CBFA2T3: variants seen among roughly 807,000 people sequenced by gnomAD.
CBFA2T3 encodes transcriptional corepressor CBFA2T3.
In CBFA2T3, 31 loss-of-function variants were observed where a neutral mutation model predicts 58.6. The observed-to-expected ratio is 0.53, with a 90% CI of 0.40 to 0.71. The LOEUF is 0.71. Among genes scored for constraint, CBFA2T3 ranks in the 30% least tolerant of loss-of-function variants. The pLI is 0.00. For missense variants in CBFA2T3, 1,076 were observed against 963.1 expected, an observed-to-expected ratio of 1.12 and a Z score of -1.55; for synonymous variants, 531 against 421.9, an observed-to-expected ratio of 1.26 and a Z score of -3.17.
At chr16:88,949,232 A>T (rs982913391) in intron 1 of CBFA2T3, among the ~76,000 whole-genome samples, 10 of 152,230 alleles carry the variant, frequency 6.6e-5, no homozygotes, top group Non-Finnish European at 2.9e-5. Context: ...AGCAACTTCC[A>T]TGTCCTGAAA....
intron 1 of CBFA2T3, among the ~76,000 whole-genome samples, chr16:88,960,817 TA>T (rs542857030): frequency 8.5e-4 from 129 of 152,344 alleles, no homozygotes; most frequent in African/African-American, 2.8e-3. Context: ...GCAGCTGACA[TA>T]ATCCTATTGG....
Position 88,954,371 on chromosome 16 carries a change from C to G in CBFA2T3, c.151+22286G>C, listed in dbSNP as rs1420819047. On this transcript the variant is annotated intron_variant, in intron 1 of 11. Coordinates refer to ENST00000268679, the MANE Select transcript of CBFA2T3 (RefSeq NM_005187.6). The stretch of plus-strand genomic sequence containing the variant: ...AAGGCTCCTGACCTCACCCAAGGCT[C>G]CTGACCCCACCCAAGACTCCTGACC... 3.3e-3 allele frequency among the ~76,000 whole-genome samples: 467 copies of G among 139,638 alleles called. 5 individuals are homozygous for G. The highest frequency in any genetic ancestry group is 0.013 in the African/African-American group (421 of 32,636). 91.6% of individuals were successfully genotyped at this position (139,638 alleles called of 152,430 possible). A position where few individuals can be genotyped will look rare whatever the true frequency, so the allele number is the denominator to read the frequency against.
At position 88,953,376 on chromosome 16, in the gene CBFA2T3, A is replaced by G. The variant is rs1287080683; in HGVS notation, c.151+23281T>C. Among the ~76,000 whole-genome samples the G allele has an allele frequency of 6.6e-6, 1 of 151,728 alleles. No individual in the cohort carries two copies. The highest frequency in any genetic ancestry group is 1.5e-5 in the Non-Finnish European group (1 of 67,998). Reference sequence around the variant, plus strand: ...GTGGGGAGAGCCAGCCAGGCTCCCCATGTCCACCCAGATGGTGAGCTGGCC... The same window carrying G: ...GTGGGGAGAGCCAGCCAGGCTCCCCGTGTCCACCCAGATGGTGAGCTGGCC... On this transcript the variant is annotated intron_variant, in intron 1 of 11. Transcript: ENST00000268679. This position sits in a 1 kb window ranked among gnomAD's most constrained non-coding sequence, Gnocchi z 4.9.
intron 9 of CBFA2T3, 196 bp from the exon 10 acceptor site, chr16:88,880,984 G>A (rs1016252744): frequency 4.5e-6 from 3 of 672,716 alleles, no homozygotes; most frequent in Non-Finnish European, 8.0e-6. Context: ...TTGGAGCTGT[G>A]GACCTTGGAC....
chr16:88,910,425 A>G (rs892049284), intron 1 of CBFA2T3, among the ~76,000 whole-genome samples: 1 of 152,184 alleles, frequency 6.6e-6, no homozygotes, highest in African/African-American at 2.4e-5. Context: ...ACAGCCTACA[A>G]CAGTGCCGGC....
chr16:88,905,881 G>GACCCATGGCTGCCCTGGAC (rs560588204), intron 1 of CBFA2T3, among the ~76,000 whole-genome samples: 1,601 of 152,004 alleles, frequency 0.011, 34 homozygotes, highest in African/African-American at 0.037. Context: ...CAGGGCAGGA[G>GACCCATGGCTGCCCTGGAC]ACCCATGGCT....
chr16:88,933,063 C>G (rs558104365), intron 1 of CBFA2T3, among the ~76,000 whole-genome samples: 2 of 152,358 alleles, frequency 1.3e-5, no homozygotes, highest in East Asian at 3.9e-4. Flanking sequence ...GACCCGGAGA[C>G]GTCACTTCTG....
intron 1 of CBFA2T3, among the ~76,000 whole-genome samples, chr16:88,919,666 G>T (rs986917736): frequency 6.6e-6 from 1 of 152,204 alleles, no homozygotes. Flanking sequence ...CCTCTCCGCG[G>T]AGTCCCCGGG....
At position 88,891,862 on chromosome 16, in the gene CBFA2T3, G is replaced by T; in HGVS notation, c.711+20C>A. The T allele has an allele frequency of 6.3e-7, 1 of 1,576,216 alleles. No homozygotes were observed. Among genetic ancestry groups the T allele is most frequent in the South Asian group, 1.1e-5 (1 of 89,984 alleles). ...CTTCTAGGGAGGCTCCCGCAGCACG[G>T]GGGACGGGTTTCGCATTACCTTCAG... On this transcript the variant is annotated intron_variant, in intron 5 of 11. Transcript: ENST00000268679.
Position 88,927,420 on chromosome 16 carries a change from G to C in CBFA2T3, c.152-25764C>G, listed in dbSNP as rs1219638096. ...CAGATCCTGACCCCAGACCCAGCCT[G>C]TTTTCTGGGTGTCTGAATCCTGCCG... is the stretch of plus-strand genomic sequence containing the variant. On this transcript the variant is annotated intron_variant, in intron 1 of 11. Coordinates refer to ENST00000268679, the MANE Select transcript of CBFA2T3 (RefSeq NM_005187.6). 2.6e-5 allele frequency among the ~76,000 whole-genome samples: 4 copies of C among 152,346 alleles called. No homozygotes were observed. The East Asian group carries it at 5.8e-4, about 22-fold the overall frequency.
At chr16:88,914,182 A>G (rs1970615065) in intron 1 of CBFA2T3, among the ~76,000 whole-genome samples, 1 of 152,254 alleles carries the variant, frequency 6.6e-6, no homozygotes, top group Non-Finnish European at 1.5e-5. Context: ...GGCCCCGCAG[A>G]GCATGGGATG....
At chr16:88,950,446 C>T (rs1305763113) in intron 1 of CBFA2T3, 3 of 416,050 alleles carry the variant, frequency 7.2e-6, no homozygotes, top group Non-Finnish European at 1.4e-5. Flanking sequence ...AGTGTTGGCA[C>T]CTGTCTTCCG....
intron 2 of CBFA2T3, among the ~76,000 whole-genome samples, chr16:88,900,862 TC>T (rs1436605292): frequency 6.6e-6 from 1 of 152,220 alleles, no homozygotes; most frequent in Non-Finnish European, 1.5e-5. Context: ...CATCGGCGGC[TC>T]TGTGCGCCAA....
chr16:88,892,962 A>G (rs1332893536), intron 3 of CBFA2T3, among the ~76,000 whole-genome samples: 2 of 152,100 alleles, frequency 1.3e-5, no homozygotes, highest in Non-Finnish European at 2.9e-5. Context: ...GGAGACACCA[A>G]CCCTACCAGG....
chr16:88,956,306 C>T (rs1316637578), intron 1 of CBFA2T3, among the ~76,000 whole-genome samples: 1 of 152,264 alleles, frequency 6.6e-6, no homozygotes, highest in Non-Finnish European at 1.5e-5. Context: ...ACACGGAGCT[C>T]ATGGCCTGTG....
intron 1 of CBFA2T3, among the ~76,000 whole-genome samples, chr16:88,927,869 G>T (rs10438574): frequency 3.9e-5 from 6 of 152,218 alleles, no homozygotes; most frequent in African/African-American, 1.4e-4. Context: ...GGCCACGATG[G>T]AAAGGCGCCT....
At position 88,877,204 on chromosome 16, in the gene CBFA2T3, G is replaced by C. The variant is rs1420474169; in HGVS notation, c.1734C>G (p.Ser578=). The change falls in exon 12 of 12, where the codon TCC becomes TCG. Residue 578 remains serine, a synonymous_variant. Coordinates refer to ENST00000268679, the MANE Select transcript of CBFA2T3 (RefSeq NM_005187.6). ...TCTCCCAGTCCCGATGCTGGCAGAAGGACCCGCAGTAGCGTGCCGCGTTGC... is the reference window on the plus strand; with the variant it reads ...TCTCCCAGTCCCGATGCTGGCAGAACGACCCGCAGTAGCGTGCCGCGTTGC... ...SGCNAARYCG[S]FCQHRDWEKH... is the part of the protein sequence containing the mutation. 6.4e-7 allele frequency: 1 copy of C among 1,556,136 alleles called. No homozygotes were observed. The highest frequency in any genetic ancestry group is 2.4e-5 in the East Asian group (1 of 41,414).
Position 88,976,760 on chromosome 16 carries a change from T to A in CBFA2T3, c.48A>T (p.Gly16=). 6.4e-7 allele frequency: 1 copy of A among 1,557,128 alleles called. No homozygotes were observed. The highest frequency in any genetic ancestry group is 8.7e-7 in the Non-Finnish European group (1 of 1,150,262). ...TCTGGGACATGGAGCCACAGGTGGA[T>A]CCCGAGGCTGAACTGGCTGCCCTGT... ...LRDRAASSAS[G]STCGSMSQTH... The change falls in exon 1 of 12, where the codon GGA becomes GGT. Residue 16 remains glycine (G), a synonymous_variant. Transcript: ENST00000268679.
At chr16:88,884,115 A>G (rs1263713592) in intron 7 of CBFA2T3, 1 of 152,268 alleles carries the variant, frequency 6.6e-6, no homozygotes, top group Non-Finnish European at 1.5e-5. Flanking sequence ...GCTGGCGTTT[A>G]TTTCTGTATT....
Sources: allele counts gnomAD v4.1 joint callset (sites outside exome capture counted in the v4.1 genomes callset), GRCh38; gene constraint gnomAD v4.1.1; non-coding constraint Gnocchi (gnomAD v3.1); transcripts MANE v1.5; gene names NCBI Gene and HGNC (gene_info 2026-07-23, HGNC 2026-07-21).